Variants in ANAPC7 observed in about 807,000 individuals in gnomAD.
ANAPC7 encodes the protein anaphase promoting complex subunit 7.
A neutral mutation model predicts 63.3 loss-of-function variants in ANAPC7; 25 were observed. The ratio of observed to expected loss-of-function variants is 0.39; its 90% CI spans 0.29 to 0.55. The LOEUF is 0.55. Among genes scored for constraint, ANAPC7 ranks in the 20% least tolerant of loss-of-function variants. The probability of loss-of-function intolerance (pLI) is 0.57; values close to 1 mark genes in which losing one functional copy is unlikely to be tolerated. For missense variants in ANAPC7, 516 were observed against 691.7 expected, an observed-to-expected ratio of 0.75 and a Z score of 2.85; for synonymous variants, 241 against 251.7, an observed-to-expected ratio of 0.96 and a Z score of 0.40.
chr12:110,374,392 T>C, intron 10 of ANAPC7, 59 bp from the exon 11 acceptor site: 1 of 1,536,018 alleles, frequency 6.5e-7, no homozygotes. Context: ...TGCTGGCTGA[T>C]TCGTCATCTC....
chr12:110,380,863 G>A (rs1257196674), intron 8 of ANAPC7, among the ~76,000 whole-genome samples: 2 of 151,362 alleles, frequency 1.3e-5, no homozygotes, highest in Admixed American at 6.6e-5. Flanking sequence ...GCATTAACCC[G>A]GGAGGTGGAG....
chr12:110,388,951 G>A (rs965615636), intron 3 of ANAPC7, among the ~76,000 whole-genome samples: 70 of 151,912 alleles, frequency 4.6e-4, no homozygotes, highest in South Asian at 1.2e-3. Context: ...GCGTGGTGGC[G>A]GGAGCCTGTA....
At chr12:110,383,838 T>C (rs1004559399) in intron 6 of ANAPC7, among the ~76,000 whole-genome samples, 4 of 125,890 alleles carry the variant, frequency 3.2e-5, no homozygotes, top group African/African-American at 1.3e-4. Context: ...ATCGTGCCAC[T>C]GCACTCTAGC....
At chr12:110,386,839 A>G (rs1198671609) in intron 5 of ANAPC7, 2 of 170,032 alleles carry the variant, frequency 1.2e-5, no homozygotes, top group Non-Finnish European at 2.5e-5. Context: ...ATCTGAATAT[A>G]AAGAAAATCC....
chr12:110,388,698 A>T (rs1882828420), intron 3 of ANAPC7, 75 bp from the exon 4 acceptor site: 1 of 1,080,662 alleles, frequency 9.3e-7, no homozygotes, highest in Non-Finnish European at 1.4e-6. Flanking sequence ...AAAAAGTCCT[A>T]ATTTTCATTA....
At chr12:110,380,344 C>A (rs913472122) in intron 8 of ANAPC7, among the ~76,000 whole-genome samples, 3 of 151,208 alleles carry the variant, frequency 2.0e-5, no homozygotes, top group African/African-American at 7.3e-5. Context: ...GAGTGAGACT[C>A]TATCTCAAAT....
At chr12:110,402,031 C>T (rs2062237267) in intron 1 of ANAPC7, among the ~76,000 whole-genome samples, 1 of 148,224 alleles carries the variant, frequency 6.7e-6, no homozygotes, top group Non-Finnish European at 1.5e-5. Context: ...CAAAAATTAG[C>T]TGGGCGTGTG....
At chr12:110,375,307 T>C (rs1299888383) in intron 10 of ANAPC7, among the ~76,000 whole-genome samples, 2 of 152,158 alleles carry the variant, frequency 1.3e-5, no homozygotes, top group African/African-American at 2.4e-5. Context: ...TGTCTGAGAC[T>C]GACAGCTCCC....
chr12:110,403,032 G>A (rs1404649420), intron 1 of ANAPC7, among the ~76,000 whole-genome samples: 1 of 152,190 alleles, frequency 6.6e-6, no homozygotes, highest in African/African-American at 2.4e-5. Context: ...GTGAGCCACC[G>A]CGCCCGGCCC....
In ANAPC7 at chr12:110,373,952, AC is replaced by A. The variant is rs1224698501; in HGVS notation, c.*191del. 2 of 551,918 alleles carry A rather than the reference AC, an allele frequency of 3.6e-6. No homozygotes were observed. Among genetic ancestry groups the A allele is most frequent in the Non-Finnish European group, 5.9e-6 (2 of 336,970 alleles). 34.2% of individuals were successfully genotyped at this position (551,918 alleles called of 1,614,324 possible). A position where few individuals can be genotyped will look rare whatever the true frequency, so the allele number is the denominator to read the frequency against. ...GGCTGGAGCAGGGGAGGATGGAGAT[AC>A]ATGGAAGGTTGGTCAGGCTCTGTTT... On this transcript the variant is annotated 3_prime_UTR_variant, in exon 11 of 11. Transcript: ENST00000455511.
Position 110,381,954 on chromosome 12 carries a change from G to GAAAAAAAAAAAAAA in ANAPC7, c.936-20_936-7dup, listed in dbSNP as rs35699984. The stretch of plus-strand genomic sequence containing the variant: ...TGCTATAGAAGCTGTGACAGCTGGA[G>GAAAAAAAAAAAAAA]AAAAAAAAAAAAAAAAAAACACAAA... On this transcript the variant is annotated splice_polypyrimidine_tract_variant and splice_region_variant and intron_variant, in intron 7 of 10. Transcript: ENST00000455511. The GAAAAAAAAAAAAAA allele has an allele frequency of 1.6e-5, 16 of 977,134 alleles. No homozygotes were observed. The highest frequency in any genetic ancestry group is 7.5e-5 in the Admixed American group (2 of 26,758). The allele number at this position is 977,134 out of a possible 1,614,324, so 60.5% of individuals were successfully genotyped here.
Position 110,387,757 on chromosome 12 carries a change from CTT to C in ANAPC7, c.654_655del (p.Arg219SerfsTer17). 1 of 1,613,796 alleles carries C rather than the reference CTT, an allele frequency of 6.2e-7. No homozygotes were observed. The highest frequency in any genetic ancestry group is 2.2e-5 in the East Asian group (1 of 44,876). Reference sequence around the variant, plus strand: ...CTCTCACCAGATGGTACTGATTGCTCTTGAGTTGTCACCAGTGTGCACAAAAG... The same window carrying C: ...CTCTCACCAGATGGTACTGATTGCTCGAGTTGTCACCAGTGTGCACAAAAG... On this transcript the variant is annotated frameshift_variant, in exon 5 of 11. Transcript: ENST00000455511. LOFTEE classifies it high-confidence loss of function.
At chr12:110,401,950 C>CAA (rs747810973) in intron 1 of ANAPC7, among the ~76,000 whole-genome samples, 505 of 45,656 alleles carry the variant, frequency 0.011, 6 homozygotes, top group Middle Eastern at 0.044. Context: ...GACTCCGTCT[C>CAA]AAAAAAAAAA....
At chr12:110,377,661 T>C (rs1881413040) in intron 8 of ANAPC7, 44 bp from the exon 9 acceptor site, 1 of 1,611,166 alleles carries the variant, frequency 6.2e-7, no homozygotes, top group Non-Finnish European at 8.5e-7. Context: ...GCCATTACCA[T>C]TCCAACCCAT....
At position 110,398,075 on chromosome 12, in the gene ANAPC7, G is replaced by A. The variant is rs542715267; in HGVS notation, c.102-1623C>T. Among the ~76,000 whole-genome samples the A allele has an allele frequency of 5.3e-5, 8 of 151,820 alleles. No homozygotes were observed. The South Asian group carries it at 1.2e-3, about 24-fold the overall frequency. On this transcript the variant is annotated intron_variant, in intron 1 of 10. Coordinates refer to ENST00000455511, the MANE Select transcript of ANAPC7 (RefSeq NM_016238.3). ...AGCCTGGCCAATAAGGTGAAACCCC[G>A]TCTCTAGTAAAAATACAAAAATTAG...
intron 6 of ANAPC7, among the ~76,000 whole-genome samples, chr12:110,384,433 G>A (rs867953061): frequency 1.1e-4 from 17 of 151,402 alleles, no homozygotes; most frequent in Non-Finnish European, 1.9e-4. Flanking sequence ...GGCCGGGCAC[G>A]GTGACTCATG....
intron 5 of ANAPC7, chr12:110,387,291 G>GAGAGAGAGAGAGAGAGAGAC (rs1882609347): frequency 7.9e-6 from 1 of 126,238 alleles, no homozygotes; most frequent in African/African-American, 3.2e-5. Context: ...GAGAGACAGA[G>GAGAGAGAGAGAGAGAGAGAC]AGAGAGAGAG....
chr12:110,374,620 G>A (rs1414451439), intron 10 of ANAPC7, among the ~76,000 whole-genome samples: 5 of 152,024 alleles, frequency 3.3e-5, no homozygotes, highest in Admixed American at 6.5e-5. Context: ...TGCTAGAGGC[G>A]GCTACCAGAT....
intron 10 of ANAPC7, 131 bp from the exon 11 acceptor site, chr12:110,374,464 AAAC>A (rs1167465439): frequency 1.5e-5 from 12 of 801,400 alleles, no homozygotes; most frequent in Non-Finnish European, 9.5e-6. Flanking sequence ...TGGCCTCTCC[AAAC>A]AACTCAGGCT....
Sources: gnomAD v4.1 joint callset for allele counts (sites outside exome capture counted in the v4.1 genomes callset) on GRCh38, gnomAD v4.1.1 for gene constraint, MANE v1.5 for transcripts, NCBI Gene and HGNC (gene_info 2026-07-23, HGNC 2026-07-21) for gene names.